Variants in CFAP61 observed in about 807,000 individuals in gnomAD.
The protein encoded by CFAP61 is cilia- and flagella-associated protein 61.
A neutral mutation model predicts 135.6 loss-of-function variants in CFAP61; 107 were observed. That is an observed-to-expected ratio of 0.79 (90% CI 0.67 to 0.93). The LOEUF (loss-of-function observed/expected upper bound fraction) is 0.93. Among genes scored for constraint, CFAP61 ranks in the 40% least tolerant of loss-of-function variants. CFAP61 has a pLI of 0.00. For missense variants in CFAP61, 1,507 were observed against 1,556.2 expected, an observed-to-expected ratio of 0.97 and a Z score of 0.53; for synonymous variants, 575 against 578.5, an observed-to-expected ratio of 0.99 and a Z score of 0.09.
At chr20:20,158,409 CTCAA>C (rs1225583991) in intron 9 of CFAP61, among the ~76,000 whole-genome samples, 9 of 145,500 alleles carry the variant, frequency 6.2e-5, no homozygotes, top group Non-Finnish European at 1.3e-4. Context: ...TGAAATGACA[CTCAA>C]TCTCATTAGT....
intron 17 of CFAP61, among the ~76,000 whole-genome samples, chr20:20,224,144 G>A (rs920053611): frequency 1.3e-5 from 2 of 152,116 alleles, no homozygotes; most frequent in African/African-American, 4.8e-5. Context: ...GTTGTAGGGT[G>A]GCAGGCAACC....
intron 9 of CFAP61, among the ~76,000 whole-genome samples, chr20:20,146,022 A>T (rs917593351): frequency 6.6e-6 from 1 of 152,220 alleles, no homozygotes; most frequent in Admixed American, 6.5e-5. Flanking sequence ...TGGGTAGCTG[A>T]AGTGCAGCAC....
At chr20:20,143,730 C>CT (rs1217063144) in intron 9 of CFAP61, among the ~76,000 whole-genome samples, 1 of 152,140 alleles carries the variant, frequency 6.6e-6, no homozygotes, top group African/African-American at 2.4e-5. Flanking sequence ...CTTCCCGAGT[C>CT]TTTAAGTCCA....
intron 25 of CFAP61, among the ~76,000 whole-genome samples, chr20:20,303,932 C>T (rs768528830): frequency 1.1e-4 from 17 of 152,178 alleles, no homozygotes; most frequent in Non-Finnish European, 4.4e-5. Context: ...TCTATTCTCA[C>T]TCCATCGAGG....
intron 26 of CFAP61, among the ~76,000 whole-genome samples, chr20:20,346,190 C>A (rs1179108435): frequency 2.7e-5 from 4 of 146,190 alleles, no homozygotes. Context: ...TGTGAGCCAC[C>A]GCGCCCGGCC....
chr20:20,073,689 T>C (rs1238390578), intron 3 of CFAP61, among the ~76,000 whole-genome samples: 2 of 152,224 alleles, frequency 1.3e-5, no homozygotes, highest in Admixed American at 6.5e-5. Flanking sequence ...GACAAAGCTC[T>C]TTTAAAACTT....
intron 10 of CFAP61, among the ~76,000 whole-genome samples, chr20:20,159,933 A>G (rs1279578848): frequency 6.6e-6 from 1 of 152,232 alleles, no homozygotes; most frequent in East Asian, 1.9e-4. Flanking sequence ...CCACCAGTGC[A>G]GTGGCTATCC....
chr20:20,258,442 A>C (rs2051844244), intron 20 of CFAP61: 3 of 152,152 alleles, frequency 2.0e-5, no homozygotes, highest in Admixed American at 6.5e-5. Flanking sequence ...CCACTGAAGA[A>C]GGGAAGGAAC....
chr20:20,132,821 A>T (rs779338334), intron 8 of CFAP61, among the ~76,000 whole-genome samples: 2 of 151,316 alleles, frequency 1.3e-5, no homozygotes, highest in Non-Finnish European at 2.9e-5. Context: ...GCTTTCTTTG[A>T]TTTTTACTTA....
At chr20:20,178,832 A>G (rs970040651) in intron 13 of CFAP61, among the ~76,000 whole-genome samples, 5 of 151,616 alleles carry the variant, frequency 3.3e-5, no homozygotes, top group Non-Finnish European at 7.4e-5. Context: ...CTTGAACAGA[A>G]CCCGATAGAA....
chr20:20,100,330 G>A (rs1179714373), intron 8 of CFAP61, among the ~76,000 whole-genome samples: 1 of 151,790 alleles, frequency 6.6e-6, no homozygotes, highest in African/African-American at 2.4e-5. Flanking sequence ...GCGCCACCAC[G>A]CCCAGCTAAT....
intron 8 of CFAP61, among the ~76,000 whole-genome samples, chr20:20,133,816 G>A (rs2050720054): frequency 1.3e-5 from 2 of 152,174 alleles, no homozygotes; most frequent in Non-Finnish European, 2.9e-5. Context: ...AACGTATTAA[G>A]CTCAAGTTTA....
At chr20:20,157,037 A>G (rs2052970348) in intron 9 of CFAP61, among the ~76,000 whole-genome samples, 1 of 152,196 alleles carries the variant, frequency 6.6e-6, no homozygotes, top group Admixed American at 6.6e-5. Context: ...TTTGAAAAAT[A>G]ACAAAGCTGT....
intron 2 of CFAP61, among the ~76,000 whole-genome samples, chr20:20,063,314 G>A (rs2044960662): frequency 6.6e-6 from 1 of 152,096 alleles, no homozygotes; most frequent in Non-Finnish European, 1.5e-5. Flanking sequence ...CACATAGAAA[G>A]AGAAATGAAA....
At chr20:20,154,197 G>A (rs2052688156) in intron 9 of CFAP61, among the ~76,000 whole-genome samples, 1 of 151,922 alleles carries the variant, frequency 6.6e-6, no homozygotes, top group South Asian at 2.1e-4. Context: ...GGCATAAAAA[G>A]GACATACCTC....
chr20:20,140,299 C>T (rs922244344), intron 8 of CFAP61, among the ~76,000 whole-genome samples: 1 of 151,006 alleles, frequency 6.6e-6, no homozygotes, highest in Non-Finnish European at 1.5e-5. Flanking sequence ...CCCATTAACT[C>T]GTCATTTAGC....
chr20:20,313,417 T>C (rs1423410272), intron 25 of CFAP61, among the ~76,000 whole-genome samples: 1 of 152,196 alleles, frequency 6.6e-6, no homozygotes, highest in African/African-American at 2.4e-5. Context: ...GTTTGTTGCT[T>C]CTTTATATCC....
intron 15 of CFAP61, among the ~76,000 whole-genome samples, chr20:20,195,445 G>A (rs568143097): frequency 6.6e-6 from 1 of 152,210 alleles, no homozygotes; most frequent in Non-Finnish European, 1.5e-5. Flanking sequence ...TGTCATCAGA[G>A]AGTCACACTC....
At chr20:20,224,358 C>T (rs867394593) in intron 17 of CFAP61, among the ~76,000 whole-genome samples, 6 of 152,272 alleles carry the variant, frequency 3.9e-5, no homozygotes, top group Middle Eastern at 3.4e-3. Flanking sequence ...CTCCCCGCCC[C>T]GCAACCCCCA....
Sources: allele counts gnomAD v4.1 joint callset (sites outside exome capture counted in the v4.1 genomes callset), GRCh38; gene constraint gnomAD v4.1.1; transcripts MANE v1.5; gene names NCBI Gene and HGNC (gene_info 2026-07-23, HGNC 2026-07-21).